The following CD80 variants were observed in gnomAD, a reference collection of about 807,000 sequenced individuals.
CD80 encodes the protein CD80 molecule.
In CD80, 13 loss-of-function variants were observed where a neutral mutation model predicts 27.1. That is an observed-to-expected ratio of 0.48 (90% confidence interval 0.31 to 0.76). CD80 has a LOEUF of 0.76. CD80 is among the 30% of genes least tolerant of loss of function. The pLI, the probability that CD80 is intolerant of heterozygous loss-of-function variation, is 0.04. For synonymous variants in CD80, 125 were observed against 125.5 expected, an observed-to-expected ratio of 1.00 and a Z score of 0.03; for missense variants, 277 against 347.9, an observed-to-expected ratio of 0.80 and a Z score of 1.62.
At chr3:119,538,415 T>G (rs1280961253) in intron 3 of CD80, among the ~76,000 whole-genome samples, 1 of 152,152 alleles carries the variant, frequency 6.6e-6, no homozygotes, top group East Asian at 1.9e-4. Flanking sequence ...CCATCCAACT[T>G]GAGACCAAAA....
chr3:119,542,786 G>T (rs990995646), intron 3 of CD80, among the ~76,000 whole-genome samples: 9 of 152,142 alleles, frequency 5.9e-5, no homozygotes, highest in South Asian at 2.1e-4. Flanking sequence ...CCTCCTTCTT[G>T]CCTGGGGAGT....
At chr3:119,540,802 A>T (rs1182745077) in intron 3 of CD80, among the ~76,000 whole-genome samples, 4 of 152,152 alleles carry the variant, frequency 2.6e-5, no homozygotes, top group African/African-American at 9.7e-5. Context: ...TAATCCTAGC[A>T]CTTTGGGAGG....
intron 3 of CD80, among the ~76,000 whole-genome samples, chr3:119,542,203 A>G (rs1205321579): frequency 6.6e-6 from 1 of 151,816 alleles, no homozygotes; most frequent in Non-Finnish European, 1.5e-5. Context: ...TAGGCTTCTT[A>G]GTACCCCTCA....
intron 5 of CD80, among the ~76,000 whole-genome samples, 178 bp downstream of exon 5, chr3:119,529,664 A>T (rs967252718): frequency 2.6e-5 from 4 of 152,206 alleles, no homozygotes; most frequent in Admixed American, 6.5e-5. Context: ...GGTGTCCGGA[A>T]AATGTCCAGT....
intron 2 of CD80, 43 bp downstream of exon 2, chr3:119,557,586 C>T: frequency 7.1e-7 from 1 of 1,403,116 alleles, no homozygotes; most frequent in Non-Finnish European, 1.0e-6. Context: ...TTTCTCTTAA[C>T]CCTGTAGCAG....
At chr3:119,552,406 G>C (rs531878249) in intron 2 of CD80, among the ~76,000 whole-genome samples, 1 of 151,758 alleles carries the variant, frequency 6.6e-6, no homozygotes, top group Non-Finnish European at 1.5e-5. Context: ...CCAGCTACTC[G>C]GGAGGCTGAG....
At chr3:119,550,347 A>C (rs2082224914) in intron 2 of CD80, among the ~76,000 whole-genome samples, 1 of 152,228 alleles carries the variant, frequency 6.6e-6, no homozygotes, top group Non-Finnish European at 1.5e-5. Flanking sequence ...TAGCTGAAAG[A>C]GAGACTATCT....
At chr3:119,537,024 C>T in intron 4 of CD80, 113 bp downstream of exon 4, 3 of 953,484 alleles carry the variant, frequency 3.1e-6, no homozygotes, top group Non-Finnish European at 4.9e-6. Context: ...CAGACAATGA[C>T]AGAATTGCCT....
At position 119,544,564 on chromosome 3, in the gene CD80, G is replaced by A. The variant is rs370971089; in HGVS notation, c.404C>T (p.Thr135Met). 11 of 1,613,484 alleles carry A rather than the reference G, an allele frequency of 6.8e-6. No homozygotes were observed. Among genetic ancestry groups the A allele is most frequent in the Admixed American group, 1.7e-5 (1 of 59,992 alleles). Residue 135 changes from threonine to methionine, a missense_variant, in exon 3 of 7, where the codon ACG (threonine) becomes ATG (methionine). Transcript: ENST00000264246. ...ATCCCACCAACCTTTGACTGATAAC[G>A]TCACTTCAGCCAGGTGTTCCCGCTT... Reference protein sequence around the residue: ...AFKREHLAEVTLSVKADFPTP... With the variant: ...AFKREHLAEVMLSVKADFPTP...
intron 2 of CD80, among the ~76,000 whole-genome samples, chr3:119,549,478 G>A (rs535173280): frequency 5.9e-5 from 9 of 152,120 alleles, no homozygotes; most frequent in Non-Finnish European, 8.8e-5. Flanking sequence ...CAGTGCTGTC[G>A]TACTGTGCCT....
intron 5 of CD80, among the ~76,000 whole-genome samples, chr3:119,528,389 A>C (rs904603145): frequency 6.6e-6 from 1 of 152,102 alleles, no homozygotes; most frequent in African/African-American, 2.4e-5. Context: ...CATGATTTCT[A>C]CTCAAAGAAG....
intron 5 of CD80, among the ~76,000 whole-genome samples, chr3:119,528,923 C>CAA (rs141948068): frequency 0.41 from 54,322 of 132,212 alleles, 11,514 homozygotes; most frequent in Middle Eastern, 0.47. Flanking sequence ...GACTCCATCT[C>CAA]AAAAAAAAAA....
At chr3:119,533,645 G>T (rs1171429613) in intron 4 of CD80, among the ~76,000 whole-genome samples, 1 of 152,004 alleles carries the variant, frequency 6.6e-6, no homozygotes, top group Non-Finnish European at 1.5e-5. Context: ...TCTCTTTTTG[G>T]CTGCTGCCAT....
Position 119,537,175 on chromosome 3 carries a change from C to T in CD80, c.662G>A (p.Gly221Glu). ...GAAGGTCTGATTCACTCTTAAATGT[C>T]CATACTTGATGAGACACATGAAGCT... ...NHSFMCLIKY[G>E]HLRVNQTFNW... is the part of the protein sequence containing the mutation. Residue 221 changes from glycine (G) to glutamate (E), a missense_variant, in exon 4 of 7, where the codon GGA becomes GAA. Physicochemically the swap from Gly to Glu is moderately conservative, Grantham distance 98 (BLOSUM62 -2). Coordinates refer to ENST00000264246, the MANE Select transcript of CD80 (RefSeq NM_005191.4). 1.2e-6 allele frequency: 2 copies of T among 1,614,096 alleles called. No homozygotes were observed.
intron 5 of CD80, among the ~76,000 whole-genome samples, chr3:119,528,880 G>A (rs1454762721): frequency 2.0e-5 from 3 of 150,580 alleles, no homozygotes; most frequent in Non-Finnish European, 4.4e-5. Flanking sequence ...AGCTGAGATC[G>A]GGGCATACAC....
At chr3:119,552,984 C>T (rs1007477237) in intron 2 of CD80, among the ~76,000 whole-genome samples, 62 of 151,890 alleles carry the variant, frequency 4.1e-4, no homozygotes, top group Non-Finnish European at 5.7e-4. Flanking sequence ...TGCAAATAGG[C>T]GCAGGTTTCT....
At position 119,537,086 on chromosome 3, in the gene CD80, T is replaced by G. The variant is rs1168072210; in HGVS notation, c.700+51A>C. 8.1e-6 allele frequency: 12 copies of G among 1,479,616 alleles called. No individual in the cohort carries two copies. The East Asian group carries it at 2.7e-4, about 34-fold the overall frequency. 91.7% of individuals were successfully genotyped at this position (1,479,616 alleles called of 1,614,324 possible). A position where few individuals can be genotyped will look rare whatever the true frequency, so the allele number is the denominator to read the frequency against. On this transcript the variant is annotated intron_variant, in intron 4 of 6. Coordinates refer to ENST00000264246, the MANE Select transcript of CD80 (RefSeq NM_005191.4). Reference sequence around the variant, plus strand: ...ACATCATTAAATGACACGACTATATTGTCTTTTTAGATTCGATATAGTAGA... The same window carrying G: ...ACATCATTAAATGACACGACTATATGGTCTTTTTAGATTCGATATAGTAGA...
chr3:119,530,798 T>C (rs2082105703), intron 4 of CD80, among the ~76,000 whole-genome samples: 1 of 152,246 alleles, frequency 6.6e-6, no homozygotes, highest in African/African-American at 2.4e-5. Context: ...AATAAATGAA[T>C]ATTTACTAAC....
chr3:119,529,826 G>A lies in CD80; in HGVS notation c.796+16C>T. On this transcript the variant is annotated intron_variant, in intron 5 of 6. Coordinates refer to ENST00000264246, the MANE Select transcript of CD80 (RefSeq NM_005191.4). Reference sequence around the variant, plus strand: ...TTCCAGAATTGAGATCAGGATGATGGTATGATAGTACTTACAGTAGGTCAG... The same window carrying A: ...TTCCAGAATTGAGATCAGGATGATGATATGATAGTACTTACAGTAGGTCAG... 1 of 1,495,244 alleles carries A rather than the reference G, an allele frequency of 6.7e-7. No individual in the cohort carries two copies. The highest frequency in any genetic ancestry group is 9.3e-7 in the Non-Finnish European group (1 of 1,071,934). 92.6% of individuals were successfully genotyped at this position (1,495,244 alleles called of 1,614,324 possible). A position where few individuals can be genotyped will look rare whatever the true frequency, so the allele number is the denominator to read the frequency against.
Sources: gnomAD v4.1 joint callset for allele counts (sites outside exome capture counted in the v4.1 genomes callset) on GRCh38, gnomAD v4.1.1 for gene constraint, MANE v1.5 for transcripts, NCBI Gene and HGNC (gene_info 2026-07-23, HGNC 2026-07-21) for gene names.